SLC25A29: variants seen among roughly 807,000 people sequenced by gnomAD.
The protein encoded by SLC25A29 is mitochondrial basic amino acids transporter.
Under a neutral mutation model 10.0 loss-of-function variants are expected in SLC25A29, and 13 were observed. That is an observed-to-expected ratio of 1.30 (90% CI 0.85 to 2.07). The LOEUF (loss-of-function observed/expected upper bound fraction) is 2.07. SLC25A29 is among the 30% of genes most tolerant of loss of function. The probability of loss-of-function intolerance (pLI) is 0.00; values close to 1 mark genes in which losing one functional copy is unlikely to be tolerated. For synonymous variants in SLC25A29, 244 were observed against 221.1 expected, an observed-to-expected ratio of 1.10 and a Z score of -0.92; for missense variants, 475 against 447.6, an observed-to-expected ratio of 1.06 and a Z score of -0.55.
chr14:100,299,689 G>T lies in SLC25A29; in HGVS notation c.35-804C>A, dbSNP rs905408065. On this transcript the variant is annotated intron_variant, in intron 1 of 3. Coordinates refer to ENST00000359232, the MANE Select transcript of SLC25A29 (RefSeq NM_001039355.3). The stretch of plus-strand genomic sequence containing the variant: ...CATCTCTGAGTCTTGCCACCACTGT[G>T]AGTAAGCAGCCTCATTACCCATTTC... The T allele has an allele frequency of 3.0e-6, 3 of 984,878 alleles. No homozygotes were observed. The African/African-American group carries it at 5.2e-5, about 17-fold the overall frequency. 61.0% of individuals were successfully genotyped at this position (984,878 alleles called of 1,614,324 possible).
the SLC25A29 span, chr14:100,281,211 T>C: frequency 1.3e-5 from 2 of 151,892 alleles, no homozygotes; most frequent in African/African-American, 4.8e-5. Context: ...TTCATGTTGT[T>C]GATCTTTAAT....
At chr14:100,284,954 G>A in the SLC25A29 span, among the ~76,000 whole-genome samples, 1 of 151,362 alleles carries the variant, frequency 6.6e-6, no homozygotes, top group Non-Finnish European at 1.5e-5. Context: ...CAGGAGAATC[G>A]CTTGGACCTG....
At chr14:100,299,255 G>A in intron 1 of SLC25A29, 1 of 1,078,452 alleles carries the variant, frequency 9.3e-7, no homozygotes, top group South Asian at 2.8e-5. Context: ...GACATGGGCA[G>A]GAGGCTCCAG....
At chr14:100,298,956 G>C (rs1464863122) in intron 1 of SLC25A29, 71 bp from the exon 2 acceptor site, 1 of 1,584,236 alleles carries the variant, frequency 6.3e-7, no homozygotes, top group Non-Finnish European at 8.6e-7. Flanking sequence ...GGCAGGAGGG[G>C]GTTCTGACAA....
intron 2 of SLC25A29, 119 bp downstream of exon 2, chr14:100,298,723 G>T (rs1289784752): frequency 1.3e-5 from 17 of 1,271,768 alleles, no homozygotes; most frequent in Non-Finnish European, 8.0e-6. Context: ...AACCCGGCCT[G>T]GTGTAAAAGC....
At chr14:100,279,470 T>G in the SLC25A29 span, 6 of 152,288 alleles carry the variant, frequency 3.9e-5, no homozygotes, top group East Asian at 1.2e-3. Context: ...TGAGACCCTT[T>G]AAAAAATTCA....
intron 2 of SLC25A29, chr14:100,296,248 C>T: frequency 2.9e-6 from 1 of 339,230 alleles, no homozygotes; most frequent in Non-Finnish European, 5.8e-6. Flanking sequence ...CATATCAAGA[C>T]CCCATCTCTA....
At chr14:100,284,867 T>A in the SLC25A29 span, among the ~76,000 whole-genome samples, 2 of 151,944 alleles carry the variant, frequency 1.3e-5, no homozygotes, top group Non-Finnish European at 2.9e-5. Flanking sequence ...TGGAGAAACC[T>A]CCTCCCTACT....
At chr14:100,289,234 G>A (rs1028600978), downstream of SLC25A29, among the ~76,000 whole-genome samples, 1 of 152,234 alleles carries the variant, frequency 6.6e-6, no homozygotes, top group Non-Finnish European at 1.5e-5. Context: ...TAGCCACAGT[G>A]TGTGGTGTTT....
At chr14:100,295,571 G>T in intron 2 of SLC25A29, 1 of 1,279,750 alleles carries the variant, frequency 7.8e-7, no homozygotes, top group South Asian at 1.2e-5. Flanking sequence ...TTGGGGAGAT[G>T]GGCATGACAG....
downstream of SLC25A29, among the ~76,000 whole-genome samples, chr14:100,288,224 A>C (rs948500418): frequency 2.0e-5 from 3 of 151,866 alleles, no homozygotes; most frequent in African/African-American, 7.3e-5. Context: ...TCTACTAAAA[A>C]CACAAAAAAT....
chr14:100,290,833 T>G (rs1421993942), downstream of SLC25A29, among the ~76,000 whole-genome samples: 3 of 152,246 alleles, frequency 2.0e-5, no homozygotes, highest in Non-Finnish European at 4.4e-5. Flanking sequence ...CGCCCGCCAG[T>G]GCCCCTCACC....
At chr14:100,299,587 T>G (rs1892405786) in intron 1 of SLC25A29, 2 of 985,684 alleles carry the variant, frequency 2.0e-6, no homozygotes, top group Non-Finnish European at 2.4e-6. Context: ...CAGCCCCTCT[T>G]GAAGGACAAA....
chr14:100,298,983 C>A (rs1346678178), intron 1 of SLC25A29, 98 bp from the exon 2 acceptor site: 13 of 1,545,902 alleles, frequency 8.4e-6, no homozygotes, highest in Non-Finnish European at 9.6e-6. Flanking sequence ...CTGGCAGGAG[C>A]TGCTGCCGGG....
At chr14:100,300,897 T>G (rs1892495631) in intron 1 of SLC25A29, among the ~76,000 whole-genome samples, 1 of 152,122 alleles carries the variant, frequency 6.6e-6, no homozygotes, top group South Asian at 2.1e-4. Context: ...TTCCCTTTCT[T>G]TTATTTATTT....
intron 2 of SLC25A29, among the ~76,000 whole-genome samples, chr14:100,296,756 G>A (rs1344621125): frequency 2.0e-5 from 3 of 150,094 alleles, no homozygotes; most frequent in East Asian, 2.1e-4. Flanking sequence ...CCGCCACCAC[G>A]CCCGGCTAAT....
downstream of SLC25A29, among the ~76,000 whole-genome samples, chr14:100,286,506 G>T (rs182574300): frequency 6.6e-6 from 1 of 150,650 alleles, no homozygotes; most frequent in South Asian, 2.1e-4. Flanking sequence ...GGGCGCTGGT[G>T]GGGGCGTCTG....
intron 1 of SLC25A29, among the ~76,000 whole-genome samples, chr14:100,304,201 C>A (rs1257189451): frequency 6.6e-6 from 1 of 152,182 alleles, no homozygotes; most frequent in Non-Finnish European, 1.5e-5. Flanking sequence ...AGGAGCCAGG[C>A]AGGGGCTGCT....
the SLC25A29 span, among the ~76,000 whole-genome samples, chr14:100,284,294 G>T: frequency 6.6e-6 from 1 of 152,130 alleles, no homozygotes; most frequent in African/African-American, 2.4e-5. Context: ...ATGGAGCAGT[G>T]CATCGGCCTC....
Sources: allele counts gnomAD v4.1 joint callset (sites outside exome capture counted in the v4.1 genomes callset), GRCh38; gene constraint gnomAD v4.1.1; transcripts MANE v1.5; gene names NCBI Gene and HGNC (gene_info 2026-07-23, HGNC 2026-07-21).